CCDC144A: variants seen among roughly 807,000 people sequenced by gnomAD.
The protein encoded by CCDC144A is coiled-coil domain-containing protein 144A.
CCDC144A carries 41 observed loss-of-function variants against 143.8 expected under a neutral mutation model. That is an observed-to-expected ratio of 0.29 (90% confidence interval 0.22 to 0.37). The LOEUF is 0.37. Ranked by LOEUF, CCDC144A falls within the 10% of genes least tolerant of loss-of-function variation. CCDC144A has a pLI of 1.00. For synonymous variants in CCDC144A, 242 were observed against 517.9 expected (o/e 0.47, Z 7.23); for missense variants, 637 against 1,488.8 (o/e 0.43, Z 9.41).
the CCDC144A span, chr17:16,683,425 C>G: frequency 1.9e-3 from 1,966 of 1,034,006 alleles, 30 homozygotes; most frequent in African/African-American, 0.027. Context: ...TTCCTGGTGC[C>G]GGGAGTGAGC....
chr17:16,755,926 TC>T (rs1356757112), intron 12 of CCDC144A, among the ~76,000 whole-genome samples: 4 of 152,110 alleles, frequency 2.6e-5, no homozygotes, highest in African/African-American at 9.7e-5. Context: ...GTCTTTTTCT[TC>T]CCGCATATTA....
intron 15 of CCDC144A, among the ~76,000 whole-genome samples, chr17:16,770,949 T>C (rs1173504398): frequency 1.3e-5 from 2 of 152,100 alleles, no homozygotes; most frequent in Non-Finnish European, 2.9e-5. Context: ...GTCACAGAAA[T>C]GTTATGGAAA....
the CCDC144A span, among the ~76,000 whole-genome samples, chr17:16,674,553 AAGGG>A: frequency 3.0e-4 from 44 of 146,254 alleles, no homozygotes; most frequent in Non-Finnish European, 4.7e-4. Flanking sequence ...AAGAGGAACG[AAGGG>A]AGGGAGGGAG....
intron 8 of CCDC144A, 28 bp downstream of exon 8, chr17:16,720,686 T>G: frequency 6.6e-7 from 1 of 1,525,050 alleles, no homozygotes; most frequent in Admixed American, 2.2e-5. Context: ...ATGCAAGGCC[T>G]TTTGATGTAT....
the CCDC144A span, among the ~76,000 whole-genome samples, chr17:16,681,921 G>A: frequency 6.6e-6 from 1 of 151,926 alleles, no homozygotes; most frequent in African/African-American, 2.4e-5. Context: ...TACTGTGGTT[G>A]CTGTGTAGAG....
chr17:16,681,836 G>A, the CCDC144A span, among the ~76,000 whole-genome samples: 1 of 151,258 alleles, frequency 6.6e-6, no homozygotes, highest in African/African-American at 2.4e-5. Context: ...TCCAGCCTGG[G>A]TAACAAGAAC....
intron 12 of CCDC144A, among the ~76,000 whole-genome samples, chr17:16,759,441 C>G (rs1915256096): frequency 6.6e-6 from 1 of 152,144 alleles, no homozygotes; most frequent in Admixed American, 6.5e-5. Flanking sequence ...ATTTGGGAAT[C>G]TGACATGTGG....
the CCDC144A span, among the ~76,000 whole-genome samples, chr17:16,672,833 C>G: frequency 6.6e-6 from 1 of 152,054 alleles, no homozygotes; most frequent in Non-Finnish European, 1.5e-5. Context: ...CTTTGTCTAT[C>G]ACCATTGTGT....
At chr17:16,677,688 G>A in the CCDC144A span, among the ~76,000 whole-genome samples, 3 of 151,684 alleles carry the variant, frequency 2.0e-5, no homozygotes, top group Non-Finnish European at 4.4e-5. Context: ...AAAATGGCAG[G>A]TGCCTGTAAT....
chr17:16,678,757 T>G, the CCDC144A span, among the ~76,000 whole-genome samples: 5 of 146,864 alleles, frequency 3.4e-5, no homozygotes, highest in Admixed American at 6.8e-5. Context: ...ATTTGTTTTT[T>G]TTTTTTTTTT....
At chr17:16,702,715 G>T (rs1171791854) in intron 2 of CCDC144A, among the ~76,000 whole-genome samples, 1 of 152,000 alleles carries the variant, frequency 6.6e-6, no homozygotes, top group Non-Finnish European at 1.5e-5. Flanking sequence ...AGTAAAAGGG[G>T]GAATAAAGAA....
the CCDC144A span, among the ~76,000 whole-genome samples, chr17:16,669,771 T>C: frequency 1.4e-4 from 21 of 152,360 alleles, no homozygotes; most frequent in African/African-American, 5.0e-4. Flanking sequence ...AAGCCTCACA[T>C]GTAACCCCAT....
intron 12 of CCDC144A, among the ~76,000 whole-genome samples, chr17:16,749,403 A>T (rs1567604962): frequency 6.6e-6 from 1 of 152,126 alleles, no homozygotes; most frequent in African/African-American, 2.4e-5. Flanking sequence ...GTTTTCAGAG[A>T]TCTTCTTGGT....
At chr17:16,769,972 T>C (rs1272306559) in intron 15 of CCDC144A, among the ~76,000 whole-genome samples, 51 of 135,582 alleles carry the variant, frequency 3.8e-4, no homozygotes, top group East Asian at 3.3e-3. Flanking sequence ...GGACTACAGG[T>C]GCACACCACC....
chr17:16,757,998 ACT>A (rs1289754795), intron 12 of CCDC144A, among the ~76,000 whole-genome samples: 1 of 151,468 alleles, frequency 6.6e-6, no homozygotes, highest in Non-Finnish European at 1.5e-5. Context: ...ATTCCAGTAT[ACT>A]CTCTTTGATG....
intron 2 of CCDC144A, among the ~76,000 whole-genome samples, chr17:16,702,657 G>C (rs1320359140): frequency 3.3e-5 from 5 of 152,328 alleles, no homozygotes; most frequent in African/African-American, 1.2e-4. Flanking sequence ...AGTGTGGATA[G>C]TACTGAACCC....
chr17:16,714,194 G>A (rs1912611366), intron 6 of CCDC144A, among the ~76,000 whole-genome samples: 1 of 151,976 alleles, frequency 6.6e-6, no homozygotes, highest in African/African-American at 2.4e-5. Context: ...ACATTGATAT[G>A]TCCCAGGACT....
upstream of CCDC144A, among the ~76,000 whole-genome samples, chr17:16,688,742 C>A (rs1273813282): frequency 6.6e-6 from 1 of 152,154 alleles, no homozygotes; most frequent in Non-Finnish European, 1.5e-5. Flanking sequence ...CCTGCCTCTG[C>A]CTCCCAAAGT....
chr17:16,720,345 A>G, intron 7 of CCDC144A, 114 bp downstream of exon 7: 2 of 1,392,444 alleles, frequency 1.4e-6, no homozygotes, highest in Middle Eastern at 2.0e-4. Flanking sequence ...AGAAAAAGTG[A>G]TGAAGAAACA....
Sources: gnomAD v4.1 joint callset for allele counts (sites outside exome capture counted in the v4.1 genomes callset) on GRCh38, gnomAD v4.1.1 for gene constraint, MANE v1.5 for transcripts, NCBI Gene and HGNC (gene_info 2026-07-23, HGNC 2026-07-21) for gene names.